Variants in OR2H1 observed in about 807,000 individuals in gnomAD.
OR2H1 encodes olfactory receptor family 2 subfamily H member 1.
For synonymous variants in OR2H1, 155 were observed against 155.2 expected, an observed-to-expected ratio of 1.00 and a Z score of 0.01; for missense variants, 380 against 367.3, an observed-to-expected ratio of 1.03 and a Z score of -0.28.
In OR2H1 at chr6:29,462,764, A is replaced by G; in HGVS notation, c.*44A>G. 1 of 1,465,814 alleles carries G rather than the reference A, an allele frequency of 6.8e-7. No homozygotes were observed. The highest frequency in any genetic ancestry group is 9.4e-7 in the Non-Finnish European group (1 of 1,067,854). 90.8% of individuals were successfully genotyped at this position (1,465,814 alleles called of 1,614,324 possible). A position where few individuals can be genotyped will look rare whatever the true frequency, so the allele number is the denominator to read the frequency against. On this transcript the variant is annotated 3_prime_UTR_variant, in exon 4 of 4. Coordinates refer to ENST00000377133, the MANE Select transcript of OR2H1 (RefSeq NM_030883.5). ...AAGAGTTTCTTCAAGATTTATGAAC[A>G]TGTTAAGTTTTCCAGACTACTACCC...
rs766582777 is a variant in OR2H1, at chr6:29,460,474, C to T, written c.-276+20C>T. On this transcript the variant is annotated intron_variant, in intron 3 of 3. Transcript: ENST00000377133. ...CCTCAGGTGATCCGCCCGCCTCAGC[C>T]TCCCAAAGTGCTGGGATTATAGGCG... The T allele has an allele frequency of 1.3e-5, 2 of 151,040 alleles. No homozygotes were observed. Among genetic ancestry groups the T allele is most frequent in the Non-Finnish European group, 2.9e-5 (2 of 67,930 alleles). 9.4% of individuals were successfully genotyped at this position (151,040 alleles called of 1,614,324 possible). A position where few individuals can be genotyped will look rare whatever the true frequency, so the allele number is the denominator to read the frequency against.
At position 29,463,080 on chromosome 6, in the gene OR2H1, G is replaced by A; in HGVS notation, c.*360G>A. 2 of 286,844 alleles carry A rather than the reference G, an allele frequency of 7.0e-6. No homozygotes were observed. The highest frequency in any genetic ancestry group is 1.4e-5 in the Non-Finnish European group (2 of 144,452). The allele number at this position is 286,844 out of a possible 1,614,324, so 17.8% of individuals were successfully genotyped here. A position where few individuals can be genotyped will look rare whatever the true frequency, so the allele number is the denominator to read the frequency against. ...CTCCAATTGTCATGTCAGTGTAGGG[G>A]AACTACTCCATCATAGCATTCTGGA... On this transcript the variant is annotated 3_prime_UTR_variant, in exon 4 of 4. Transcript: ENST00000377133.
At position 29,462,179 on chromosome 6, in the gene OR2H1, G is replaced by A. The variant is rs761770034; in HGVS notation, c.410G>A (p.Arg137His). The A allele has an allele frequency of 7.1e-5, 114 of 1,613,408 alleles. No individual in the cohort carries two copies. Among genetic ancestry groups the A allele is most frequent in the South Asian group, 2.3e-4 (21 of 91,066 alleles). The stretch of plus-strand genomic sequence containing the variant: ...CACTATGCCACCATCATCCACCCCC[G>A]CCTGTGCTGGCAGCTGGCATCTGTG... ...PLHYATIIHP[R>H]LCWQLASVAW... The change falls in exon 4 of 4, where the codon CGC (arginine) becomes CAC (histidine). Residue 137 changes from arginine to histidine, a missense_variant. Coordinates refer to ENST00000377133, the MANE Select transcript of OR2H1 (RefSeq NM_030883.5).
At chr6:29,460,736 A>G (rs1787159190) in intron 3 of OR2H1, 4 of 152,232 alleles carry the variant, frequency 2.6e-5, no homozygotes, top group African/African-American at 9.6e-5. Context: ...GATAAAGAAC[A>G]TTCAGAAATT....
Position 29,462,241 on chromosome 6 carries a change from A to C in OR2H1, c.472A>C (p.Thr158Pro). 6.2e-7 allele frequency: 1 copy of C among 1,613,312 alleles called. No individual in the cohort carries two copies. Among genetic ancestry groups the C allele is most frequent in the Non-Finnish European group, 8.5e-7 (1 of 1,179,982 alleles). ...GAGTCTGGTTCAATCGATAGTCCAG[A>C]CACCATCCACCCTCCACTTGCCCTT... The part of the protein sequence containing the change: ...VMSLVQSIVQ[T>P]PSTLHLPFCP... Residue 158 changes from threonine to proline, a missense_variant, in exon 4 of 4, where the codon ACA (threonine) becomes CCA (proline). By Grantham distance (38) the Thr-to-Pro change is conservative. Coordinates refer to ENST00000377133, the MANE Select transcript of OR2H1 (RefSeq NM_030883.5).
In OR2H1 at chr6:29,462,353, T is replaced by C; in HGVS notation, c.584T>C (p.Ile195Thr). 1 of 1,613,120 alleles carries C rather than the reference T, an allele frequency of 6.2e-7. No individual in the cohort carries two copies. Among genetic ancestry groups the C allele is most frequent in the Non-Finnish European group, 8.5e-7 (1 of 1,180,032 alleles). ...TGTGGAGATACCTCCTACAATGAAA[T>C]CCAGTTGGCTGTGTCCAGTGTCATC... ...LSCGDTSYNE[I>T]QLAVSSVIFV... Residue 195 changes from isoleucine to threonine, a missense_variant, in exon 4 of 4, where the codon ATC (isoleucine) becomes ACC (threonine). Coordinates refer to ENST00000377133, the MANE Select transcript of OR2H1 (RefSeq NM_030883.5).
rs61732185 is a variant in OR2H1, at chr6:29,461,956, G to A, written c.187G>A (p.Asp63Asn). 20,454 of 1,612,900 alleles carry A rather than the reference G, an allele frequency of 0.013. 557 individuals are homozygous for A. The highest frequency in any genetic ancestry group is 0.11 in the African/African-American group (8,116 of 74,894). The change falls in exon 4 of 4, where the codon GAC becomes AAC. Residue 63 changes from aspartate to asparagine, a missense_variant. Asp to Asn is a conservative substitution (Grantham distance 23). Transcript: ENST00000377133. Reference sequence around the variant, plus strand: ...CTCTCCAATGTACTTTTTCCTCTCTGACCTCTCCTTCTTGGACCTCTGCTT... The same window carrying A: ...CTCTCCAATGTACTTTTTCCTCTCTAACCTCTCCTTCTTGGACCTCTGCTT... ...LHSPMYFFLS[D>N]LSFLDLCFTT...
At chr6:29,459,059 G>A (rs547765505) in intron 2 of OR2H1, among the ~76,000 whole-genome samples, 1 of 152,206 alleles carries the variant, frequency 6.6e-6, no homozygotes, top group East Asian at 1.9e-4. Flanking sequence ...ATAGAAAATA[G>A]GAGAGTGCAG....
intron 2 of OR2H1, 190 bp from the exon 3 acceptor site, chr6:29,460,214 G>A (rs768945471): frequency 6.6e-6 from 1 of 151,720 alleles, no homozygotes; most frequent in African/African-American, 2.4e-5. Flanking sequence ...TATTTATTTA[G>A]TTAGTTTTGA....
chr6:29,463,113 C>T lies in OR2H1; in HGVS notation c.*393C>T, dbSNP rs990277049. Reference sequence around the variant, plus strand: ...CCATCATAGCATTCTGGACACCTTGCATGTATCTACGTAGGTCATGTAAGC... The same window carrying T: ...CCATCATAGCATTCTGGACACCTTGTATGTATCTACGTAGGTCATGTAAGC... On this transcript the variant is annotated 3_prime_UTR_variant, in exon 4 of 4. Coordinates refer to ENST00000377133, the MANE Select transcript of OR2H1 (RefSeq NM_030883.5). The T allele has an allele frequency of 8.7e-6, 2 of 230,246 alleles. No homozygotes were observed. Among genetic ancestry groups the T allele is most frequent in the Non-Finnish European group, 1.9e-5 (2 of 107,892 alleles). 14.3% of individuals were successfully genotyped at this position (230,246 alleles called of 1,614,324 possible).
intron 1 of OR2H1, 99 bp from the exon 2 acceptor site, chr6:29,458,355 C>T (rs957984533): frequency 6.6e-6 from 1 of 152,154 alleles, no homozygotes; most frequent in African/African-American, 2.4e-5. Flanking sequence ...AAATATGAAG[C>T]GCTTTTTTGA....
chr6:29,463,044 A>T lies in OR2H1; in HGVS notation c.*324A>T, dbSNP rs556054345. Reference sequence around the variant, plus strand: ...AACTCCACCATGCCTATTTCTGGTTATATAATTGCTCTCCAATTGTCATGT... The same window carrying T: ...AACTCCACCATGCCTATTTCTGGTTTTATAATTGCTCTCCAATTGTCATGT... On this transcript the variant is annotated 3_prime_UTR_variant, in exon 4 of 4. Coordinates refer to ENST00000377133, the MANE Select transcript of OR2H1 (RefSeq NM_030883.5). 1 of 368,940 alleles carries T rather than the reference A, an allele frequency of 2.7e-6. No homozygotes were observed. Among genetic ancestry groups the T allele is most frequent in the East Asian group, 4.9e-5 (1 of 20,432 alleles). 22.9% of individuals were successfully genotyped at this position (368,940 alleles called of 1,614,324 possible).
intron 2 of OR2H1, among the ~76,000 whole-genome samples, chr6:29,459,270 T>C (rs1232424271): frequency 6.6e-6 from 1 of 152,154 alleles, no homozygotes; most frequent in Non-Finnish European, 1.5e-5. Flanking sequence ...TGTTTACTTC[T>C]TCAGTGGGAG....
intron 2 of OR2H1, among the ~76,000 whole-genome samples, chr6:29,459,467 C>G (rs189917875): frequency 6.6e-6 from 1 of 151,952 alleles, no homozygotes; most frequent in Non-Finnish European, 1.5e-5. Flanking sequence ...AAATCTTATC[C>G]TCAAGGAGAG....
intron 2 of OR2H1, chr6:29,460,054 G>T (rs1210421789): frequency 6.6e-6 from 1 of 152,166 alleles, no homozygotes; most frequent in Non-Finnish European, 1.5e-5. Context: ...TTTAAGGCTT[G>T]TTATTTCACT....
At position 29,462,328 on chromosome 6, in the gene OR2H1, T is replaced by C; in HGVS notation, c.559T>C (p.Cys187Arg). 1 of 1,613,188 alleles carries C rather than the reference T, an allele frequency of 6.2e-7. No individual in the cohort carries two copies. The highest frequency in any genetic ancestry group is 8.5e-7 in the Non-Finnish European group (1 of 1,180,048). Residue 187 changes from cysteine (C) to arginine (R), a missense_variant, in exon 4 of 4, where the codon TGT becomes CGT. Physicochemically the swap from Cys to Arg is radical, Grantham distance 180 (BLOSUM62 -3). Coordinates refer to ENST00000377133, the MANE Select transcript of OR2H1 (RefSeq NM_030883.5). ...GGTCCCATCTCTGATTCGACTCTCC[T>C]GTGGAGATACCTCCTACAATGAAAT... is the stretch of plus-strand genomic sequence containing the variant. The part of the protein sequence containing the change: ...CEVPSLIRLS[C>R]GDTSYNEIQL...
intron 3 of OR2H1, chr6:29,461,052 G>A (rs989170542): frequency 1.3e-5 from 2 of 152,112 alleles, no homozygotes; most frequent in Admixed American, 1.3e-4. Flanking sequence ...TCTACATAAT[G>A]TTAAGTTGAG....
In OR2H1 at chr6:29,463,644, C is replaced by G. The variant is rs1787592794; in HGVS notation, c.*924C>G. On this transcript the variant is annotated 3_prime_UTR_variant, in exon 4 of 4. Transcript: ENST00000377133. ...TTGACAGTCATCACCGTCACTCTAT[C>G]TTCATTTCTGGTTCTTACCGTGTTA... is the stretch of plus-strand genomic sequence containing the variant. 6.0e-6 allele frequency: 1 copy of G among 167,122 alleles called. No individual in the cohort carries two copies. Among genetic ancestry groups the G allele is most frequent in the African/African-American group, 2.4e-5 (1 of 41,468 alleles). The allele number at this position is 167,122 out of a possible 1,614,324, so 10.4% of individuals were successfully genotyped here.
intron 2 of OR2H1, among the ~76,000 whole-genome samples, chr6:29,459,483 A>G (rs1159786140): frequency 6.6e-6 from 1 of 152,226 alleles, no homozygotes; most frequent in African/African-American, 2.4e-5. Context: ...GAGAGACGTA[A>G]TGATGGAGGA....
Sources: allele counts gnomAD v4.1 joint callset (sites outside exome capture counted in the v4.1 genomes callset), GRCh38; gene constraint gnomAD v4.1.1; transcripts MANE v1.5; gene names NCBI Gene and HGNC (gene_info 2026-07-23, HGNC 2026-07-21).